MYO16: variants seen among roughly 807,000 people sequenced by gnomAD.
MYO16 encodes the protein unconventional myosin-XVI.
Under a neutral mutation model 205.3 loss-of-function variants are expected in MYO16, and 94 were observed. The ratio of observed to expected loss-of-function variants is 0.46; its 90% confidence interval spans 0.39 to 0.54. The LOEUF (loss-of-function observed/expected upper bound fraction) is 0.54, where lower values mean the gene tolerates loss of function less well. MYO16 is among the 20% of genes least tolerant of loss of function. The pLI, the probability that MYO16 is intolerant of heterozygous loss-of-function variation, is 0.00. For synonymous variants in MYO16, 988 were observed against 954.0 expected (o/e 1.04, Z -0.66); for missense variants, 2,315 against 2,387.5 (o/e 0.97, Z 0.63).
intron 28 of MYO16, among the ~76,000 whole-genome samples, chr13:109,106,302 G>T (rs999519122): frequency 6.6e-6 from 1 of 152,060 alleles, no homozygotes; most frequent in Non-Finnish European, 1.5e-5. Flanking sequence ...TTATTATTCA[G>T]GTATTTTCCT....
chr13:109,050,960 A>T (rs1166243392), intron 24 of MYO16, among the ~76,000 whole-genome samples: 1 of 152,056 alleles, frequency 6.6e-6, no homozygotes, highest in Non-Finnish European at 1.5e-5. Context: ...ACATTTGTTC[A>T]GGAAGCTTTG....
At position 108,832,132 on chromosome 13, in the gene MYO16, T is replaced by C. The variant is rs1876653590; in HGVS notation, c.1097+8854T>C. 5.8e-5 allele frequency among the ~76,000 whole-genome samples: 8 copies of C among 139,052 alleles called. No homozygotes were observed. The South Asian group carries it at 1.9e-3, about 33-fold the overall frequency. 91.2% of individuals were successfully genotyped at this position (139,052 alleles called of 152,430 possible). A position where few individuals can be genotyped will look rare whatever the true frequency, so the allele number is the denominator to read the frequency against. On this transcript the variant is annotated intron_variant, in intron 9 of 34. Coordinates refer to ENST00000457511, the MANE Select transcript of MYO16 (RefSeq NM_001198950.3). ...ACTTTGACTTTCCAGTGTATTTCAA[T>C]GTTCCGTATGGATTTTTTTTTTTTT...
chr13:108,851,652 C>T (rs1433314473), intron 10 of MYO16, among the ~76,000 whole-genome samples: 1 of 152,188 alleles, frequency 6.6e-6, no homozygotes, highest in African/African-American at 2.4e-5. Flanking sequence ...CATACAGTTG[C>T]ATATGGCAGC....
intron 22 of MYO16, among the ~76,000 whole-genome samples, chr13:109,015,481 T>C (rs1005605291): frequency 6.6e-6 from 1 of 152,238 alleles, no homozygotes; most frequent in Non-Finnish European, 1.5e-5. Flanking sequence ...CCTCATCAAA[T>C]GAGTTATGGT....
chr13:108,675,746 C>T (rs894821180), intron 2 of MYO16, among the ~76,000 whole-genome samples: 3 of 152,070 alleles, frequency 2.0e-5, no homozygotes, highest in Admixed American at 6.6e-5. Context: ...GTGAGAGCAG[C>T]GATGGAGCCG....
At chr13:109,020,989 T>G (rs1886004478) in intron 23 of MYO16, among the ~76,000 whole-genome samples, 1 of 152,208 alleles carries the variant, frequency 6.6e-6, no homozygotes, top group Admixed American at 6.5e-5. Flanking sequence ...TATCAACAAA[T>G]GTATATATTA....
chr13:108,632,078 C>CAAAAA (rs59971095), intron 1 of MYO16, among the ~76,000 whole-genome samples: 3 of 67,244 alleles, frequency 4.5e-5, no homozygotes, highest in East Asian at 4.1e-4. Flanking sequence ...AACCCCAACT[C>CAAAAA]AAAAAAAAAA....
At chr13:109,095,368 G>GT (rs1277386082) in intron 27 of MYO16, among the ~76,000 whole-genome samples, 1 of 151,948 alleles carries the variant, frequency 6.6e-6, no homozygotes, top group Non-Finnish European at 1.5e-5. Context: ...CTTGCAAACC[G>GT]TGTGGCCTCA....
chr13:108,702,769 A>G (rs1042191805), intron 2 of MYO16, among the ~76,000 whole-genome samples: 3 of 152,192 alleles, frequency 2.0e-5, no homozygotes, highest in African/African-American at 4.8e-5. Flanking sequence ...TTTAAACATA[A>G]TGACCCAAAG....
chr13:109,043,354 C>T (rs1396775633), intron 23 of MYO16, among the ~76,000 whole-genome samples: 1 of 152,108 alleles, frequency 6.6e-6, no homozygotes, highest in Non-Finnish European at 1.5e-5. Context: ...CAAAGATAGG[C>T]AAGAAATGTA....
intron 16 of MYO16, among the ~76,000 whole-genome samples, chr13:108,910,623 G>T (rs553083388): frequency 6.1e-4 from 93 of 152,302 alleles, no homozygotes; most frequent in Non-Finnish European, 1.2e-3. Flanking sequence ...AGGATGCCTT[G>T]GTCATAGGAG....
chr13:108,942,734 G>A (rs181410313), intron 16 of MYO16, among the ~76,000 whole-genome samples: 16 of 152,176 alleles, frequency 1.1e-4, no homozygotes, highest in Admixed American at 2.6e-4. Context: ...TCAGTTCTTG[G>A]CACGTGTAGA....
intron 27 of MYO16, among the ~76,000 whole-genome samples, chr13:109,066,907 G>T (rs4773020): frequency 0.58 from 88,831 of 152,020 alleles, 25,973 homozygotes; most frequent in Middle Eastern, 0.61. Context: ...AAGGCAACTT[G>T]GCTGTTTCGT....
chr13:109,101,895 A>G (rs1004102008), intron 28 of MYO16: 3 of 152,190 alleles, frequency 2.0e-5, no homozygotes, highest in Admixed American at 6.5e-5. Context: ...TTTAGAAATG[A>G]CATGAGCTGA....
chr13:108,826,665 A>T (rs1327953134), intron 9 of MYO16, among the ~76,000 whole-genome samples: 7 of 152,132 alleles, frequency 4.6e-5, no homozygotes, highest in Non-Finnish European at 7.4e-5. Flanking sequence ...ATGTAAAGGG[A>T]TGCTTACAAC....
intron 1 of MYO16, among the ~76,000 whole-genome samples, chr13:108,637,603 A>T (rs563569788): frequency 1.3e-5 from 2 of 152,312 alleles, no homozygotes; most frequent in Admixed American, 6.5e-5. Flanking sequence ...GGCTGGGCAC[A>T]GTGGCTCACG....
At chr13:108,984,906 C>T (rs534918536) in intron 20 of MYO16, among the ~76,000 whole-genome samples, 1 of 152,212 alleles carries the variant, frequency 6.6e-6, no homozygotes, top group Non-Finnish European at 1.5e-5. Context: ...AATCCTGATG[C>T]TGAACCTTGT....
the MYO16 span, among the ~76,000 whole-genome samples, chr13:108,530,941 T>C: frequency 2.6e-5 from 4 of 152,230 alleles, no homozygotes; most frequent in Non-Finnish European, 5.9e-5. Context: ...TGGTTTTTTT[T>C]CAAATGGAGA....
intron 1 of MYO16, among the ~76,000 whole-genome samples, chr13:108,656,426 G>A (rs1315131685): frequency 6.6e-6 from 1 of 152,224 alleles, no homozygotes; most frequent in Middle Eastern, 3.4e-3. Context: ...TCAGTCTTGT[G>A]TATGTCTTTA....
Sources: allele counts gnomAD v4.1 joint callset (sites outside exome capture counted in the v4.1 genomes callset), GRCh38; gene constraint gnomAD v4.1.1; transcripts MANE v1.5; gene names NCBI Gene and HGNC (gene_info 2026-07-23, HGNC 2026-07-21).